Variants in GRHL3 observed in about 807,000 individuals in gnomAD.
GRHL3 encodes grainyhead-like protein 3 homolog.
A neutral mutation model predicts 70.3 loss-of-function variants in GRHL3; 20 were observed. That is an observed-to-expected ratio of 0.28 (90% CI 0.20 to 0.41). The LOEUF (loss-of-function observed/expected upper bound fraction) is 0.41. Among genes scored for constraint, GRHL3 ranks in the 10% least tolerant of loss-of-function variants. The pLI, the probability that GRHL3 is intolerant of heterozygous loss-of-function variation, is 1.00. For synonymous variants in GRHL3, 299 were observed against 299.9 expected, an observed-to-expected ratio of 1.00 and a Z score of 0.03; for missense variants, 637 against 762.3, an observed-to-expected ratio of 0.84 and a Z score of 1.94.
intron 11 of GRHL3, among the ~76,000 whole-genome samples, chr1:24,343,748 G>A (rs1024329834): frequency 1.3e-5 from 2 of 152,182 alleles, no homozygotes; most frequent in African/African-American, 4.8e-5. Flanking sequence ...TTCCATACTG[G>A]AGAGTCTGAG....
chr1:24,327,404 A>G (rs1639436814), intron 1 of GRHL3, among the ~76,000 whole-genome samples: 1 of 152,222 alleles, frequency 6.6e-6, no homozygotes, highest in Non-Finnish European at 1.5e-5. Flanking sequence ...GCACACTGGC[A>G]CATAGAAGAC....
chr1:24,336,746 C>T lies in GRHL3; in HGVS notation c.531C>T (p.Asn177=). The part of the protein sequence containing the change: ...TTDMYDNGSL[N]SLFESIHGVP... ...ATATGTATGATAATGGCTCCCTCAA[C>T]TCCTTGTTTGAGAGCATTCATGGGG... Residue 177 remains asparagine (N), a synonymous_variant, in exon 4 of 16, where the codon AAC becomes AAT. Transcript: ENST00000361548. 1.2e-6 allele frequency: 2 copies of T among 1,614,106 alleles called. No homozygotes were observed. Among genetic ancestry groups the T allele is most frequent in the Non-Finnish European group, 1.7e-6 (2 of 1,180,002 alleles).
intron 12 of GRHL3, among the ~76,000 whole-genome samples, chr1:24,346,189 C>A (rs1038396425): frequency 7.9e-5 from 12 of 151,682 alleles, no homozygotes; most frequent in Non-Finnish European, 1.3e-4. Flanking sequence ...ACGATGAGTC[C>A]ACATTTATTG....
At chr1:24,350,330 T>C (rs781713124) in intron 15 of GRHL3, among the ~76,000 whole-genome samples, 1 of 152,132 alleles carries the variant, frequency 6.6e-6, no homozygotes, top group Non-Finnish European at 1.5e-5. Flanking sequence ...GGAAGGGTTG[T>C]TACATATATG....
Position 24,321,171 on chromosome 1 carries a change from G to A in GRHL3, c.17+1603G>A, listed in dbSNP as rs1478382852. On this transcript the variant is annotated intron_variant, in intron 1 of 15. Coordinates refer to ENST00000361548, the MANE Select transcript of GRHL3 (RefSeq NM_198173.3). The surrounding 1 kb of genome is among the most constrained non-coding windows in gnomAD (Gnocchi z 4.0). The stretch of plus-strand genomic sequence containing the variant: ...GAATCTATTCATTACTGCACGTTAG[G>A]GGGTATGTGTTCTGAAGCTGGGTTA... Among the ~76,000 whole-genome samples, 2 of 152,336 alleles carry A rather than the reference G, an allele frequency of 1.3e-5. No individual in the cohort carries two copies. Among genetic ancestry groups the A allele is most frequent in the African/African-American group, 4.8e-5 (2 of 41,574 alleles).
At chr1:24,356,427 G>T (rs1348618274), downstream of GRHL3, among the ~76,000 whole-genome samples, 2 of 151,800 alleles carry the variant, frequency 1.3e-5, no homozygotes, top group Non-Finnish European at 2.9e-5. Flanking sequence ...TTTTAGTAAA[G>T]ATGGGGTTTC....
In GRHL3 at chr1:24,354,367, AT is replaced by A; in HGVS notation, c.1695-5del. On this transcript the variant is annotated splice_region_variant and splice_polypyrimidine_tract_variant and intron_variant, in intron 15 of 15. Transcript: ENST00000361548. ...GTGTTCCAACCACATCCCCTCTTCC[AT>A]TCCAGAATCTTAGTCAACATGGACA... The A allele has an allele frequency of 6.2e-7, 1 of 1,604,140 alleles. No individual in the cohort carries two copies. The highest frequency in any genetic ancestry group is 1.1e-5 in the South Asian group (1 of 90,890).
rs948891710 is a variant in GRHL3, at chr1:24,322,746, G to A, written c.17+3178G>A. ...GGAAAACGGGGCTGAAACCCAGATG[G>A]GATCATCCAGCTTTCTCTTACGTTA... On this transcript the variant is annotated intron_variant, in intron 1 of 15. Transcript: ENST00000361548. This position sits in a 1 kb window ranked among gnomAD's most constrained non-coding sequence, Gnocchi z 4.4. Among the ~76,000 whole-genome samples, 1 of 152,220 alleles carries A rather than the reference G, an allele frequency of 6.6e-6. No homozygotes were observed. Among genetic ancestry groups the A allele is most frequent in the Non-Finnish European group, 1.5e-5 (1 of 68,028 alleles).
rs1053266828 is a variant in GRHL3, at chr1:24,331,291, C to T, written c.18-135C>T. 6.5e-6 allele frequency: 5 copies of T among 765,956 alleles called. No individual in the cohort carries two copies. The African/African-American group carries it at 7.0e-5, about 11-fold the overall frequency. The allele number at this position is 765,956 out of a possible 1,614,324, so 47.4% of individuals were successfully genotyped here. Reference sequence around the variant, plus strand: ...TGTCCATTCTGCTGCCCCACACTGCCTAATGGTGGCAGAAGAGGCAGTTTC... The same window carrying T: ...TGTCCATTCTGCTGCCCCACACTGCTTAATGGTGGCAGAAGAGGCAGTTTC... On this transcript the variant is annotated intron_variant, in intron 1 of 15. Coordinates refer to ENST00000361548, the MANE Select transcript of GRHL3 (RefSeq NM_198173.3).
Position 24,334,118 on chromosome 1 carries a change from G to A in GRHL3, c.205-527G>A, listed in dbSNP as rs1008280264. On this transcript the variant is annotated intron_variant, in intron 2 of 15. Coordinates refer to ENST00000361548, the MANE Select transcript of GRHL3 (RefSeq NM_198173.3). This position sits in a 1 kb window ranked among gnomAD's most constrained non-coding sequence, Gnocchi z 4.3. ...GTTCTTCTTCCCACTCCCTGACTTG[G>A]GGCTCAGACTAATCATAGCTAGAGC... Among the ~76,000 whole-genome samples, 1 of 152,102 alleles carries A rather than the reference G, an allele frequency of 6.6e-6. No homozygotes were observed. The highest frequency in any genetic ancestry group is 1.5e-5 in the Non-Finnish European group (1 of 68,026).
At position 24,338,088 on chromosome 1, in the gene GRHL3, C is replaced by T; in HGVS notation, c.937C>T (p.Arg313Trp). 1 of 1,608,132 alleles carries T rather than the reference C, an allele frequency of 6.2e-7. No individual in the cohort carries two copies. The highest frequency in any genetic ancestry group is 8.5e-7 in the Non-Finnish European group (1 of 1,176,502). The change falls in exon 7 of 16, where the codon CGG becomes TGG. Residue 313 changes from arginine to tryptophan, a missense_variant. This residue lies in a region of GRHL3 where 387 missense variants were observed against 513.8 expected (regional missense o/e 0.75). Transcript: ENST00000361548. The part of the protein sequence containing the change: ...WHSRQPTAKQ[R>W]VIDVADCKEN... ...TTCCCGGCAACCCACTGCCAAGCAG[C>T]GGGTCATTGACGTGGGTGAGAGCCT...
At chr1:24,359,096 C>T (rs1036711478), downstream of GRHL3, among the ~76,000 whole-genome samples, 1 of 152,162 alleles carries the variant, frequency 6.6e-6, no homozygotes, top group Admixed American at 6.5e-5. This position sits in a 1 kb window ranked among gnomAD's most constrained non-coding sequence, Gnocchi z 5.3. Context: ...ATGAGGGTCC[C>T]GTGCACAGCC....
chr1:24,331,624 C>A lies in GRHL3; in HGVS notation c.204+12C>A, dbSNP rs2148652051. The A allele has an allele frequency of 6.2e-7, 1 of 1,604,226 alleles. No individual in the cohort carries two copies. The highest frequency in any genetic ancestry group is 1.3e-5 in the African/African-American group (1 of 74,832). On this transcript the variant is annotated intron_variant, in intron 2 of 15. Coordinates refer to ENST00000361548, the MANE Select transcript of GRHL3 (RefSeq NM_198173.3). ...ATGATTACTACATGGTACGTCTACC[C>A]CCTCTGGACATGCCCCGTTTTGACT...
intron 15 of GRHL3, among the ~76,000 whole-genome samples, chr1:24,363,203 T>C (rs546980486): frequency 1.3e-5 from 2 of 152,346 alleles, no homozygotes; most frequent in East Asian, 1.9e-4. Context: ...TGGAGCACGC[T>C]GAGTTAATGA....
rs899333560 is a variant in GRHL3 at position 24,321,786 on chromosome 1, C to T, written c.17+2218C>T. The stretch of plus-strand genomic sequence containing the variant: ...GCTGGTCTCTGAGAAGCATGGAGGC[C>T]CCGGCGGTGTAGTTAGAAACCAGCT... On this transcript the variant is annotated intron_variant, in intron 1 of 15. Transcript: ENST00000361548. The surrounding 1 kb of genome is among the most constrained non-coding windows in gnomAD (Gnocchi z 4.0). The T allele has an allele frequency of 6.6e-6, 1 of 152,196 alleles. No homozygotes were observed. The highest frequency in any genetic ancestry group is 1.5e-5 in the Non-Finnish European group (1 of 68,048). 9.4% of individuals were successfully genotyped at this position (152,196 alleles called of 1,614,324 possible).
chr1:24,323,399 T>C (rs562402825), intron 1 of GRHL3, among the ~76,000 whole-genome samples: 1 of 152,162 alleles, frequency 6.6e-6, no homozygotes, highest in Admixed American at 6.5e-5. Context: ...CGTGTCCAAG[T>C]TGTAAAACTG....
intron 14 of GRHL3, 36 bp downstream of exon 14, chr1:24,347,589 C>A (rs750661219): frequency 6.7e-7 from 1 of 1,488,574 alleles, no homozygotes; most frequent in South Asian, 1.1e-5. Context: ...CCATGGCAGA[C>A]CCCCTCTAGG....
intron 1 of GRHL3, among the ~76,000 whole-genome samples, chr1:24,325,016 A>G (rs937081575): frequency 6.6e-6 from 1 of 152,278 alleles, no homozygotes; most frequent in African/African-American, 2.4e-5. Context: ...CCCAGGGAAC[A>G]TCGTGTGTGG....
Position 24,364,245 on chromosome 1 carries a change from T to A in GRHL3, c.1755T>A (p.Cys585Ter), listed in dbSNP as rs1641308075. 7.1e-6 allele frequency: 11 copies of A among 1,548,758 alleles called. No homozygotes were observed. Among genetic ancestry groups the A allele is most frequent in the Non-Finnish European group, 9.6e-6 (11 of 1,146,390 alleles). The change falls in exon 16 of 16, where the codon TGT becomes TGA. Residue 585 changes from cysteine (C) to a stop codon, truncating the protein, a stop_gained. Coordinates refer to the GRHL3 transcript ENST00000350501. LOFTEE classifies it low-confidence loss of function (END_TRUNC). ...ACCCCCCACCTGACTGTCTTGAATG[T>A]TCCCATCCTGTGACTCAAGTGAGGA...
Sources: allele counts gnomAD v4.1 joint callset (sites outside exome capture counted in the v4.1 genomes callset), GRCh38; gene constraint gnomAD v4.1.1; regional missense constraint gnomAD v4.1.1; non-coding constraint Gnocchi (gnomAD v3.1); transcripts MANE v1.5; gene names NCBI Gene and HGNC (gene_info 2026-07-23, HGNC 2026-07-21).